The following RPTOR variants were observed in gnomAD, a reference collection of about 807,000 sequenced individuals.
RPTOR encodes regulatory-associated protein of mTOR.
In RPTOR, 21 loss-of-function variants were observed where a neutral mutation model predicts 169.9. That is an observed-to-expected ratio of 0.12 (90% CI 0.09 to 0.18). The LOEUF is 0.18. Ranked by LOEUF, RPTOR falls within the 10% of genes least tolerant of loss-of-function variation. RPTOR has a pLI of 1.00. For synonymous variants in RPTOR, 732 were observed against 753.2 expected, an observed-to-expected ratio of 0.97 and a Z score of 0.46; for missense variants, 1,133 against 1,855.9, an observed-to-expected ratio of 0.61 and a Z score of 7.16.
intron 3 of RPTOR, among the ~76,000 whole-genome samples, chr17:80,687,996 A>G (rs1737208419): frequency 6.6e-6 from 1 of 152,172 alleles, no homozygotes; most frequent in African/African-American, 2.4e-5. Context: ...CAGCACCGCT[A>G]GCTTCACACT....
At chr17:80,879,399 G>A (rs921040994) in intron 13 of RPTOR, among the ~76,000 whole-genome samples, 2 of 9,518 alleles carry the variant, frequency 2.1e-4, no homozygotes, top group Non-Finnish European at 4.8e-4. Context: ...CCCTGCCCCC[G>A]CCTGCCCTGC....
chr17:80,808,239 A>G (rs1287895587), intron 7 of RPTOR, among the ~76,000 whole-genome samples: 1 of 152,154 alleles, frequency 6.6e-6, no homozygotes, highest in Non-Finnish European at 1.5e-5. Context: ...AGCCTGAGCA[A>G]CATAGCAAGA....
chr17:80,692,190 C>A (rs1022969226), intron 3 of RPTOR, among the ~76,000 whole-genome samples: 1 of 152,174 alleles, frequency 6.6e-6, no homozygotes, highest in Admixed American at 6.5e-5. Context: ...TAGTTCACTG[C>A]AGCCTCAACC....
rs1186153412 is a variant in RPTOR, at chr17:80,545,599, G to C, written c.-31G>C. On this transcript the variant is annotated 5_prime_UTR_variant, in exon 1 of 34. Coordinates refer to ENST00000306801, the MANE Select transcript of RPTOR (RefSeq NM_020761.3). ...GGCTGGAGGTTCTCGAGCGCTTGCT[G>C]CCAAGGACTCCCCCACCCCCTCCCC... is the stretch of plus-strand genomic sequence containing the variant. The C allele has an allele frequency of 1.9e-6, 3 of 1,564,030 alleles. No individual in the cohort carries two copies. Among genetic ancestry groups the C allele is most frequent in the Non-Finnish European group, 2.6e-6 (3 of 1,152,150 alleles).
In RPTOR at chr17:80,560,981, G is replaced by A. The variant is rs375758233; in HGVS notation, c.162+15190G>A. On this transcript the variant is annotated intron_variant, in intron 1 of 33. Transcript: ENST00000306801. ...GGGCTGGACAGGACAGATCCTGACCGGCTTATAAGGCCACAGGAATTTGGA... is the reference window on the plus strand; with the variant it reads ...GGGCTGGACAGGACAGATCCTGACCAGCTTATAAGGCCACAGGAATTTGGA... 1.8e-4 allele frequency among the ~76,000 whole-genome samples: 28 copies of A among 152,260 alleles called. 2 individuals are homozygous for A. Among genetic ancestry groups the A allele is most frequent in the Admixed American group, 9.8e-4 (15 of 15,292 alleles).
chr17:80,559,195 C>G (rs2084447864), intron 1 of RPTOR, among the ~76,000 whole-genome samples: 1 of 152,198 alleles, frequency 6.6e-6, no homozygotes, highest in Non-Finnish European at 1.5e-5. Context: ...GCTGCCTAGT[C>G]TTTCCTCATA....
intron 13 of RPTOR, among the ~76,000 whole-genome samples, chr17:80,864,128 A>AC (rs1338898655): frequency 6.6e-6 from 1 of 152,214 alleles, no homozygotes; most frequent in Non-Finnish European, 1.5e-5. Flanking sequence ...ACAATTATAA[A>AC]CCCACAGATC....
At chr17:80,881,238 G>A (rs1399531328) in intron 14 of RPTOR, among the ~76,000 whole-genome samples, 2 of 152,180 alleles carry the variant, frequency 1.3e-5, no homozygotes, top group Non-Finnish European at 2.9e-5. Flanking sequence ...TAAGCTAAAG[G>A]ATTTTTTAAA....
chr17:80,711,742 G>GTATTTTTTTTTTTTTTTTTTTTT (rs1298623680), intron 4 of RPTOR, among the ~76,000 whole-genome samples: 2 of 51,406 alleles, frequency 3.9e-5, no homozygotes, highest in African/African-American at 1.9e-4. Context: ...TTATACATCA[G>GTATTTTTTTTTTTTTTTTTTTTT]TCTTTTTTTT....
intron 6 of RPTOR, among the ~76,000 whole-genome samples, chr17:80,764,758 A>G (rs562250198): frequency 6.6e-6 from 1 of 152,156 alleles, no homozygotes; most frequent in Non-Finnish European, 1.5e-5. Flanking sequence ...CAATGGTTGA[A>G]CTAGTTTACA....
chr17:80,716,341 CAT>C (rs374177151), intron 4 of RPTOR, among the ~76,000 whole-genome samples: 94 of 152,236 alleles, frequency 6.2e-4, no homozygotes, highest in African/African-American at 2.0e-3. Flanking sequence ...AGCATTTTTT[CAT>C]ATGTTTGTTG....
chr17:80,632,071 G>A (rs1359695119), intron 2 of RPTOR, among the ~76,000 whole-genome samples: 1 of 152,100 alleles, frequency 6.6e-6, no homozygotes. Context: ...CCCCTTCCAG[G>A]CTGCTTGTCC....
chr17:80,805,242 G>C (rs1488608871), intron 7 of RPTOR: 1 of 152,290 alleles, frequency 6.6e-6, no homozygotes, highest in Admixed American at 6.5e-5. Context: ...TACTTCCACA[G>C]CAGGAGAGCT....
chr17:80,694,697 G>A (rs566042117), intron 3 of RPTOR, among the ~76,000 whole-genome samples: 1 of 152,308 alleles, frequency 6.6e-6, no homozygotes, highest in East Asian at 1.9e-4. Context: ...TGATTTTCCC[G>A]AGGAGATGTG....
chr17:80,852,953 A>G (rs941571078), intron 11 of RPTOR, among the ~76,000 whole-genome samples: 7 of 150,230 alleles, frequency 4.7e-5, no homozygotes, highest in African/African-American at 1.7e-4. Flanking sequence ...ACTCATCCCA[A>G]ACCTTCTTTT....
Position 80,960,268 on chromosome 17 carries a change from C to T in RPTOR, c.3605+63C>T, listed in dbSNP as rs1033923929. On this transcript the variant is annotated intron_variant, in intron 30 of 33. Coordinates refer to ENST00000306801, the MANE Select transcript of RPTOR (RefSeq NM_020761.3). This position sits in a 1 kb window ranked among gnomAD's most constrained non-coding sequence, Gnocchi z 4.8. ...CAGGGTACCTTCCAGGTGGTAGGGCCGTGTCACTGCCATTTGGTTGGGTCC... is the reference window on the plus strand; with the variant it reads ...CAGGGTACCTTCCAGGTGGTAGGGCTGTGTCACTGCCATTTGGTTGGGTCC... The T allele has an allele frequency of 8.1e-6, 13 of 1,596,162 alleles. No homozygotes were observed. The highest frequency in any genetic ancestry group is 1.7e-4 in the Middle Eastern group (1 of 6,044).
chr17:80,922,614 A>C, intron 21 of RPTOR, 110 bp from the exon 22 acceptor site: 1 of 874,890 alleles, frequency 1.1e-6, no homozygotes, highest in Non-Finnish European at 1.8e-6. Flanking sequence ...CCTCGGCCAA[A>C]GGCCTTTTCT....
intron 1 of RPTOR, among the ~76,000 whole-genome samples, chr17:80,583,182 G>GTT (rs1166711662): frequency 0.024 from 1,877 of 79,092 alleles, 213 homozygotes; most frequent in African/African-American, 0.056. Flanking sequence ...CCTCTTTCCT[G>GTT]TTTTTTTTTT....
At chr17:80,724,290 A>G (rs1385873577) in intron 4 of RPTOR, among the ~76,000 whole-genome samples, 4 of 151,176 alleles carry the variant, frequency 2.6e-5, no homozygotes, top group African/African-American at 9.9e-5. Context: ...GGTGGGGGCC[A>G]TGAGTGCCAG....
Sources: allele counts gnomAD v4.1 joint callset (sites outside exome capture counted in the v4.1 genomes callset), GRCh38; gene constraint gnomAD v4.1.1; non-coding constraint Gnocchi (gnomAD v3.1); transcripts MANE v1.5; gene names NCBI Gene and HGNC (gene_info 2026-07-23, HGNC 2026-07-21).